The following FUT9 variants were observed in gnomAD, a reference collection of about 807,000 sequenced individuals.
FUT9 encodes fucosyltransferase 9, also known as 4-galactosyl-N-acetylglucosaminide 3-alpha-L-fucosyltransferase 9.
A neutral mutation model predicts 29.7 loss-of-function variants in FUT9; 15 were observed. That is an observed-to-expected ratio of 0.51 (90% confidence interval 0.34 to 0.78). FUT9 has a LOEUF of 0.78. Ranked by LOEUF, FUT9 falls within the 30% of genes least tolerant of loss-of-function variation. FUT9 has a pLI of 0.01. For missense variants in FUT9, 319 were observed against 425.4 expected (o/e 0.75, Z 2.20); for synonymous variants, 169 against 153.7 (o/e 1.10, Z -0.74).
chr6:96,147,645 C>T (rs1772596451), intron 2 of FUT9, among the ~76,000 whole-genome samples: 1 of 151,930 alleles, frequency 6.6e-6, no homozygotes, highest in South Asian at 2.1e-4. Flanking sequence ...TATCTAGAAG[C>T]AATGTGAACA....
chr6:96,193,461 A>T (rs1408771980), intron 2 of FUT9, among the ~76,000 whole-genome samples: 58 of 148,064 alleles, frequency 3.9e-4, no homozygotes, highest in African/African-American at 1.4e-3. Context: ...AATGCTCATC[A>T]TCACTGGCCA....
At chr6:96,044,347 A>T (rs1582190204) in intron 1 of FUT9, among the ~76,000 whole-genome samples, 1 of 152,234 alleles carries the variant, frequency 6.6e-6, no homozygotes, top group Non-Finnish European at 1.5e-5. Context: ...GCACAAAGAG[A>T]CAGAACTAAA....
At chr6:96,093,726 C>T (rs17778675) in intron 1 of FUT9, among the ~76,000 whole-genome samples, 31,563 of 151,936 alleles carry the variant, frequency 0.21, 4,040 homozygotes, top group Non-Finnish European at 0.28. Flanking sequence ...AATATGGATC[C>T]ACATACACAC....
intron 2 of FUT9, among the ~76,000 whole-genome samples, chr6:96,186,818 C>T (rs973650804): frequency 6.6e-6 from 1 of 152,042 alleles, no homozygotes; most frequent in Admixed American, 6.6e-5. Flanking sequence ...GCAAGTTCAG[C>T]CTTTCTCTAC....
At chr6:96,136,339 A>G (rs1469357357) in intron 2 of FUT9, among the ~76,000 whole-genome samples, 1 of 151,892 alleles carries the variant, frequency 6.6e-6, no homozygotes, top group African/African-American at 2.4e-5. Context: ...ACCAAAAGTT[A>G]GATTCAATGA....
At chr6:96,085,596 C>G (rs1328891262) in intron 1 of FUT9, among the ~76,000 whole-genome samples, 2 of 151,150 alleles carry the variant, frequency 1.3e-5, no homozygotes, top group Non-Finnish European at 2.9e-5. Flanking sequence ...GTCTTTTTGG[C>G]TAAATAAACA....
chr6:96,075,125 T>C (rs1171647689), intron 1 of FUT9, among the ~76,000 whole-genome samples: 5 of 152,058 alleles, frequency 3.3e-5, no homozygotes, highest in Admixed American at 2.6e-4. Context: ...ATTATATAGA[T>C]GTGTGTGTGC....
At chr6:96,191,257 C>CA (rs1467274801) in intron 2 of FUT9, among the ~76,000 whole-genome samples, 4 of 151,856 alleles carry the variant, frequency 2.6e-5, no homozygotes, top group Non-Finnish European at 5.9e-5. Context: ...AATAGAGACA[C>CA]AAAAAACCCT....
chr6:96,097,339 T>C (rs897524088), intron 1 of FUT9, among the ~76,000 whole-genome samples: 1 of 152,186 alleles, frequency 6.6e-6, no homozygotes, highest in Admixed American at 6.5e-5. Flanking sequence ...TGTGCTCTCT[T>C]CCAATCCTGC....
chr6:96,196,703 T>TC (rs1337154077), intron 2 of FUT9, among the ~76,000 whole-genome samples: 3 of 151,962 alleles, frequency 2.0e-5, no homozygotes, highest in Non-Finnish European at 2.9e-5. Context: ...AGAGTGAGAC[T>TC]CCATCTCAAA....
intron 2 of FUT9, among the ~76,000 whole-genome samples, chr6:96,166,808 G>T (rs932979453): frequency 7.9e-5 from 12 of 151,988 alleles, no homozygotes; most frequent in Admixed American, 5.2e-4. Flanking sequence ...TGTACTATTT[G>T]TATATAACCC....
intron 2 of FUT9, among the ~76,000 whole-genome samples, chr6:96,202,229 C>A (rs1215145839): frequency 1.3e-5 from 2 of 151,870 alleles, no homozygotes; most frequent in African/African-American, 4.8e-5. Flanking sequence ...AAAAAAAAAG[C>A]CTTCACTCAT....
In FUT9 at chr6:96,205,717, A is replaced by G. The variant is rs1323121561; in HGVS notation, c.*1482A>G. 3.0e-5 allele frequency: 5 copies of G among 166,366 alleles called. No individual in the cohort carries two copies. Among genetic ancestry groups the G allele is most frequent in the Non-Finnish European group, 7.3e-5 (5 of 68,104 alleles). The allele number at this position is 166,366 out of a possible 1,614,324, so 10.3% of individuals were successfully genotyped here. ...TTAGTGCCTTTATTCCTTTCAGGCCAATAATCCACCCAAAAATTAGAATGT... is the reference window on the plus strand; with the variant it reads ...TTAGTGCCTTTATTCCTTTCAGGCCGATAATCCACCCAAAAATTAGAATGT... On this transcript the variant is annotated 3_prime_UTR_variant, in exon 3 of 3. Coordinates refer to ENST00000302103, the MANE Select transcript of FUT9 (RefSeq NM_006581.4).
intron 2 of FUT9, among the ~76,000 whole-genome samples, chr6:96,163,386 G>A (rs150224900): frequency 4.6e-5 from 7 of 151,054 alleles, no homozygotes; most frequent in African/African-American, 1.5e-4. Flanking sequence ...GAGTTATTGC[G>A]GATGAACTGT....
At chr6:96,108,742 C>T (rs1771741971) in intron 1 of FUT9, among the ~76,000 whole-genome samples, 2 of 152,192 alleles carry the variant, frequency 1.3e-5, no homozygotes, top group East Asian at 1.9e-4. Context: ...TCAGTATTCA[C>T]TTTGCATAAC....
intron 1 of FUT9, among the ~76,000 whole-genome samples, chr6:96,111,235 A>G (rs982203991): frequency 1.1e-4 from 17 of 152,140 alleles, no homozygotes; most frequent in African/African-American, 1.9e-4. Context: ...TAAATAACAG[A>G]AATTGAGTGT....
chr6:96,166,089 G>C (rs901615214), intron 2 of FUT9, among the ~76,000 whole-genome samples: 14 of 151,306 alleles, frequency 9.3e-5, no homozygotes, highest in Admixed American at 7.2e-4. Flanking sequence ...TAAAATAAAA[G>C]TAAAAATTTT....
intron 1 of FUT9, among the ~76,000 whole-genome samples, chr6:96,043,196 C>T (rs567641053): frequency 2.0e-4 from 30 of 152,186 alleles, no homozygotes; most frequent in African/African-American, 6.3e-4. Context: ...GGACTACAGG[C>T]GCCCACCACC....
intron 1 of FUT9, among the ~76,000 whole-genome samples, chr6:96,060,807 G>C (rs9485618): frequency 0.55 from 82,922 of 152,022 alleles, 22,737 homozygotes; most frequent in South Asian, 0.63. Flanking sequence ...CAAAGTGCTG[G>C]GATTACAGGC....
Sources: allele counts gnomAD v4.1 joint callset (sites outside exome capture counted in the v4.1 genomes callset), GRCh38; gene constraint gnomAD v4.1.1; transcripts MANE v1.5; gene names NCBI Gene and HGNC (gene_info 2026-07-23, HGNC 2026-07-21).